The following ETV6 variants were observed in gnomAD, a reference collection of about 807,000 sequenced individuals.
ETV6 encodes transcription factor ETV6.
In ETV6, 16 loss-of-function variants were observed where a neutral mutation model predicts 51.1. That is an observed-to-expected ratio of 0.31 (90% CI 0.21 to 0.48). ETV6 has a LOEUF of 0.48. Ranked by LOEUF, ETV6 falls within the 20% of genes least tolerant of loss-of-function variation. The probability of loss-of-function intolerance (pLI) is 0.99; values close to 1 mark genes in which losing one functional copy is unlikely to be tolerated. For synonymous variants in ETV6, 240 were observed against 224.1 expected (o/e 1.07, Z -0.64); for missense variants, 458 against 594.8 (o/e 0.77, Z 2.39).
intron 2 of ETV6, among the ~76,000 whole-genome samples, chr12:11,762,724 A>G (rs569410915): frequency 2.6e-5 from 4 of 152,296 alleles, no homozygotes; most frequent in Non-Finnish European, 5.9e-5. Context: ...CAAGGAAAGT[A>G]TTTCTAAATA....
At chr12:11,826,994 A>T (rs1007758959) in intron 2 of ETV6, among the ~76,000 whole-genome samples, 2 of 152,014 alleles carry the variant, frequency 1.3e-5, no homozygotes, top group African/African-American at 4.8e-5. Flanking sequence ...AGGTCTATAA[A>T]AGCCATTTCC....
At chr12:11,737,465 T>G (rs1865725961) in intron 1 of ETV6, among the ~76,000 whole-genome samples, 1 of 152,256 alleles carries the variant, frequency 6.6e-6, no homozygotes, top group Non-Finnish European at 1.5e-5. Context: ...TATGGAGATT[T>G]TTATTCTATC....
In ETV6 at chr12:11,895,140, T is replaced by G; in HGVS notation, c.*4094T>G. The G allele has an allele frequency of 4.3e-6, 1 of 233,238 alleles. No individual in the cohort carries two copies. Among genetic ancestry groups the G allele is most frequent in the Non-Finnish European group, 8.5e-6 (1 of 117,768 alleles). 14.4% of individuals were successfully genotyped at this position (233,238 alleles called of 1,614,324 possible). A position where few individuals can be genotyped will look rare whatever the true frequency, so the allele number is the denominator to read the frequency against. On this transcript the variant is annotated 3_prime_UTR_variant, in exon 8 of 8. Coordinates refer to ENST00000396373, the MANE Select transcript of ETV6 (RefSeq NM_001987.5). ...TTCACACATGCCAAGTGAACATTCTTGATGATTTCTCTTTGTGACCGCAAC... is the reference window on the plus strand; with the variant it reads ...TTCACACATGCCAAGTGAACATTCTGGATGATTTCTCTTTGTGACCGCAAC...
intron 4 of ETV6, 146 bp downstream of exon 4, chr12:11,853,707 A>C: frequency 2.2e-6 from 2 of 911,646 alleles, no homozygotes; most frequent in Non-Finnish European, 3.3e-6. Context: ...TACAAAATAC[A>C]CTCTTGGTTC....
chr12:11,811,098 T>G (rs1184578053), intron 2 of ETV6, among the ~76,000 whole-genome samples: 1 of 152,180 alleles, frequency 6.6e-6, no homozygotes, highest in Admixed American at 6.5e-5. Context: ...TCAGGGTTTT[T>G]CCCCCCTGTG....
intron 5 of ETV6, among the ~76,000 whole-genome samples, chr12:11,876,991 CAA>C (rs1555146192): frequency 3.3e-5 from 5 of 152,176 alleles, no homozygotes. Flanking sequence ...TTAACAGAAA[CAA>C]AAAGATTCTA....
At chr12:11,808,578 T>G (rs1408617778) in intron 2 of ETV6, among the ~76,000 whole-genome samples, 8 of 152,212 alleles carry the variant, frequency 5.3e-5, no homozygotes, top group Admixed American at 5.2e-4. Context: ...TACAGGAGGA[T>G]GCACATAGGT....
chr12:11,803,789 G>C (rs1945787282), intron 2 of ETV6, among the ~76,000 whole-genome samples: 1 of 152,144 alleles, frequency 6.6e-6, no homozygotes, highest in African/African-American at 2.4e-5. Flanking sequence ...AATACAGAAA[G>C]TCTGTCATTA....
At chr12:11,859,744 G>C (rs956811259) in intron 4 of ETV6, among the ~76,000 whole-genome samples, 1 of 152,198 alleles carries the variant, frequency 6.6e-6, no homozygotes, top group African/African-American at 2.4e-5. Context: ...AATATTTGTA[G>C]TGTAGGCGCC....
intron 1 of ETV6, among the ~76,000 whole-genome samples, chr12:11,700,649 G>T (rs1384923191): frequency 1.3e-5 from 2 of 152,112 alleles, no homozygotes; most frequent in African/African-American, 4.8e-5. Flanking sequence ...CTAAAGAAAA[G>T]AAAATGCTAT....
At chr12:11,727,318 C>A (rs765127888) in intron 1 of ETV6, among the ~76,000 whole-genome samples, 1 of 152,246 alleles carries the variant, frequency 6.6e-6, no homozygotes, top group Non-Finnish European at 1.5e-5. Flanking sequence ...GCAAGCCAAC[C>A]GCACACCTCA....
rs150634517 is a variant in ETV6 at position 11,730,787 on chromosome 12, T to G, written c.34-21663T>G. On this transcript the variant is annotated intron_variant, in intron 1 of 7. Transcript: ENST00000396373. Reference sequence around the variant, plus strand: ...GCAGAAGTAGAGGAATGGAAGACTTTCCCATGGCCCAAGACCCCTCAGTGG... The same window carrying G: ...GCAGAAGTAGAGGAATGGAAGACTTGCCCATGGCCCAAGACCCCTCAGTGG... Among the ~76,000 whole-genome samples, 73 of 152,338 alleles carry G rather than the reference T, an allele frequency of 4.8e-4. 1 individual carries two copies. The East Asian group carries it at 0.013, about 27-fold the overall frequency.
chr12:11,782,176 A>G (rs772179924), intron 2 of ETV6, among the ~76,000 whole-genome samples: 1 of 152,190 alleles, frequency 6.6e-6, no homozygotes, highest in Non-Finnish European at 1.5e-5. Context: ...TCTCTGTAAA[A>G]TCTTTACCAA....
chr12:11,890,851 G>A (rs2136615507), intron 7 of ETV6, 90 bp from the exon 8 acceptor site: 1 of 961,294 alleles, frequency 1.0e-6, no homozygotes, highest in South Asian at 1.3e-5. Context: ...TAAGATGATG[G>A]AGTCTTTCTT....
At chr12:11,884,624 G>T in intron 6 of ETV6, 37 bp downstream of exon 6, 1 of 1,611,348 alleles carries the variant, frequency 6.2e-7, no homozygotes, top group Non-Finnish European at 8.5e-7. Context: ...ATAAACTAGT[G>T]CCAAAATGAA....
intron 5 of ETV6, among the ~76,000 whole-genome samples, chr12:11,880,980 C>A (rs1328706125): frequency 1.3e-5 from 2 of 152,134 alleles, no homozygotes; most frequent in African/African-American, 2.4e-5. Context: ...ACTCTATCGC[C>A]CAGGCTGAGT....
rs138225021 is a variant in ETV6 at position 11,766,089 on chromosome 12, C to G, written c.163+13510C>G. On this transcript the variant is annotated intron_variant, in intron 2 of 7. Coordinates refer to ENST00000396373, the MANE Select transcript of ETV6 (RefSeq NM_001987.5). The stretch of plus-strand genomic sequence containing the variant: ...GCAGGAGGAAGGTGTGGGCCAGGGT[C>G]GGTTTCGGTGGGGTCCCCACTTGCT... Among the ~76,000 whole-genome samples, 333 of 152,228 alleles carry G rather than the reference C, an allele frequency of 2.2e-3. 3 individuals are homozygous for G. Among genetic ancestry groups the G allele is most frequent in the African/African-American group, 7.3e-3 (304 of 41,522 alleles).
At chr12:11,721,452 A>G (rs1470463708) in intron 1 of ETV6, among the ~76,000 whole-genome samples, 1 of 152,228 alleles carries the variant, frequency 6.6e-6, no homozygotes, top group Non-Finnish European at 1.5e-5. Context: ...TGGAAACCAT[A>G]ATTCTAAGTG....
At chr12:11,850,176 C>T (rs1157127131) in intron 3 of ETV6, among the ~76,000 whole-genome samples, 4 of 152,112 alleles carry the variant, frequency 2.6e-5, no homozygotes, top group South Asian at 2.1e-4. Flanking sequence ...GGAAACTGGC[C>T]GAGTCCACTT....
Sources: gnomAD v4.1 joint callset for allele counts (sites outside exome capture counted in the v4.1 genomes callset) on GRCh38, gnomAD v4.1.1 for gene constraint, MANE v1.5 for transcripts, NCBI Gene and HGNC (gene_info 2026-07-23, HGNC 2026-07-21) for gene names.